INPP4B: variants seen among roughly 807,000 people sequenced by gnomAD.
INPP4B encodes the protein inositol polyphosphate 4-phosphatase type II.
INPP4B carries 55 observed loss-of-function variants against 122.5 expected under a neutral mutation model. The observed-to-expected ratio is 0.45, with a 90% CI of 0.36 to 0.56. The LOEUF (loss-of-function observed/expected upper bound fraction) is 0.56. Among genes scored for constraint, INPP4B ranks in the 20% least tolerant of loss-of-function variants. INPP4B has a pLI of 0.00. For synonymous variants in INPP4B, 403 were observed against 388.7 expected (o/e 1.04, Z -0.43); for missense variants, 1,000 against 1,097.7 (o/e 0.91, Z 1.26).
chr4:142,498,321 C>A (rs1404425339), intron 2 of INPP4B, among the ~76,000 whole-genome samples: 1 of 151,718 alleles, frequency 6.6e-6, no homozygotes, highest in South Asian at 2.1e-4. Flanking sequence ...CTCAGATCTA[C>A]CAACCCCTAC....
intron 7 of INPP4B, among the ~76,000 whole-genome samples, chr4:142,342,598 C>T (rs759833649): frequency 3.3e-5 from 5 of 152,110 alleles, no homozygotes; most frequent in Non-Finnish European, 5.9e-5. Context: ...ACAAGATTGC[C>T]TCTTGTTCCA....
At chr4:142,420,409 C>T (rs370411731) in intron 5 of INPP4B, among the ~76,000 whole-genome samples, 12 of 152,028 alleles carry the variant, frequency 7.9e-5, no homozygotes, top group African/African-American at 2.9e-4. Flanking sequence ...CGGGGTGCAC[C>T]AAATGTGAAT....
At chr4:142,475,335 C>A (rs1819632293) in intron 2 of INPP4B, among the ~76,000 whole-genome samples, 1 of 151,656 alleles carries the variant, frequency 6.6e-6, no homozygotes, top group African/African-American at 2.4e-5. Context: ...AACAAAAAAA[C>A]ATCTAAAGGA....
At chr4:142,808,664 G>A (rs988716668) in intron 1 of INPP4B, among the ~76,000 whole-genome samples, 1 of 152,174 alleles carries the variant, frequency 6.6e-6, no homozygotes, top group Non-Finnish European at 1.5e-5. Context: ...GCAAACATAA[G>A]TCCCTATCAT....
intron 2 of INPP4B, among the ~76,000 whole-genome samples, chr4:142,468,691 CT>C (rs754575159): frequency 6.6e-6 from 1 of 152,206 alleles, no homozygotes; most frequent in African/African-American, 2.4e-5. Flanking sequence ...TCTGCACACA[CT>C]GGCTCCCCTT....
At chr4:142,072,480 T>TA (rs373078350) in intron 25 of INPP4B, among the ~76,000 whole-genome samples, 29 of 126,944 alleles carry the variant, frequency 2.3e-4, no homozygotes, top group Admixed American at 3.2e-4. Context: ...AGGATAATAA[T>TA]AAAAAAAAAA....
chr4:142,826,852 CG>C (rs1781521027), intron 1 of INPP4B, among the ~76,000 whole-genome samples: 1 of 152,156 alleles, frequency 6.6e-6, no homozygotes, highest in African/African-American at 2.4e-5. Context: ...TAACCATTTT[CG>C]TTATTAAAAG....
At chr4:142,295,976 G>A in intron 9 of INPP4B, among the ~76,000 whole-genome samples, 1 of 152,016 alleles carries the variant, frequency 6.6e-6, no homozygotes. Context: ...ATTCCTTTCA[G>A]GCCTAATCAT....
At chr4:142,037,511 T>C (rs907554380) in intron 25 of INPP4B, among the ~76,000 whole-genome samples, 1 of 152,166 alleles carries the variant, frequency 6.6e-6, no homozygotes, top group Non-Finnish European at 1.5e-5. Flanking sequence ...CTATTCAAGC[T>C]TCCCAAAGGA....
At chr4:142,168,297 T>C (rs1259468389) in intron 16 of INPP4B, among the ~76,000 whole-genome samples, 1 of 151,610 alleles carries the variant, frequency 6.6e-6, no homozygotes, top group Non-Finnish European at 1.5e-5. Context: ...GTCATTTCTG[T>C]TTATATTCCT....
intron 9 of INPP4B, among the ~76,000 whole-genome samples, chr4:142,276,785 C>T (rs1384113551): frequency 6.6e-6 from 1 of 151,772 alleles, no homozygotes; most frequent in East Asian, 1.9e-4. Context: ...CTGCTATAAA[C>T]AGTACTCTCC....
At chr4:142,702,515 G>A (rs1194935152) in intron 2 of INPP4B, among the ~76,000 whole-genome samples, 1 of 152,026 alleles carries the variant, frequency 6.6e-6, no homozygotes, top group Non-Finnish European at 1.5e-5. Context: ...ACCTGAGGTT[G>A]GGAGTTCGAG....
intron 2 of INPP4B, among the ~76,000 whole-genome samples, chr4:142,561,301 T>C (rs1229076307): frequency 6.6e-6 from 1 of 152,212 alleles, no homozygotes; most frequent in Non-Finnish European, 1.5e-5. Context: ...AAAAATACTT[T>C]TGAGGAAGAA....
At chr4:142,051,546 C>T (rs1754611982) in intron 25 of INPP4B, among the ~76,000 whole-genome samples, 1 of 151,908 alleles carries the variant, frequency 6.6e-6, no homozygotes, top group Admixed American at 6.6e-5. Flanking sequence ...ATTCACTTTA[C>T]TGTAAATACA....
chr4:142,348,405 C>T (rs1218394468), intron 7 of INPP4B, among the ~76,000 whole-genome samples: 1 of 151,814 alleles, frequency 6.6e-6, no homozygotes, highest in Non-Finnish European at 1.5e-5. Flanking sequence ...AATATTTTAC[C>T]TTAAACAGAG....
intron 2 of INPP4B, among the ~76,000 whole-genome samples, chr4:142,673,536 C>T (rs1757292890): frequency 6.6e-6 from 1 of 152,108 alleles, no homozygotes; most frequent in Admixed American, 6.6e-5. Flanking sequence ...CTTGTACTCT[C>T]CCACCCAATG....
chr4:142,130,527 A>G (rs3775657), intron 18 of INPP4B, among the ~76,000 whole-genome samples: 18,004 of 152,164 alleles, frequency 0.12, 1,212 homozygotes, highest in East Asian at 0.24. Context: ...AGAGCTAAGA[A>G]GCAAGGCCAC....
chr4:142,735,952 CACACACACACACACAT>C (rs1024214672), intron 1 of INPP4B, among the ~76,000 whole-genome samples: 1 of 151,558 alleles, frequency 6.6e-6, no homozygotes, highest in Non-Finnish European at 1.5e-5. Context: ...CACACACACA[CACACACACACACACAT>C]CCACCACTAT....
chr4:142,483,700 T>C (rs1489278731), intron 2 of INPP4B, among the ~76,000 whole-genome samples: 1 of 152,090 alleles, frequency 6.6e-6, no homozygotes, highest in Non-Finnish European at 1.5e-5. Context: ...TTTATTGAAT[T>C]CAAAAATACT....
Sources: allele counts gnomAD v4.1 joint callset (sites outside exome capture counted in the v4.1 genomes callset), GRCh38; gene constraint gnomAD v4.1.1; transcripts MANE v1.5; gene names NCBI Gene and HGNC (gene_info 2026-07-23, HGNC 2026-07-21).